Variants in SH2D4A observed in about 807,000 individuals in gnomAD.
SH2D4A encodes SH2 domain-containing protein 4A.
A neutral mutation model predicts 64.7 loss-of-function variants in SH2D4A; 70 were observed. That is an observed-to-expected ratio of 1.08 (90% CI 0.89 to 1.32). SH2D4A has a LOEUF of 1.32. Among genes scored for constraint, SH2D4A ranks in the 40% most tolerant of loss-of-function variants. The probability of loss-of-function intolerance (pLI) is 0.00; values close to 1 mark genes in which losing one functional copy is unlikely to be tolerated. For missense variants in SH2D4A, 706 were observed against 540.1 expected, an observed-to-expected ratio of 1.31 and a Z score of -3.04; for synonymous variants, 268 against 200.7, an observed-to-expected ratio of 1.34 and a Z score of -2.83.
chr8:19,323,710 GA>G (rs1245693335), intron 2 of SH2D4A, among the ~76,000 whole-genome samples: 2 of 152,158 alleles, frequency 1.3e-5, no homozygotes, highest in Non-Finnish European at 2.9e-5. Flanking sequence ...GTGGCTACTA[GA>G]AAAGTGATAG....
rs563195227 is a variant in SH2D4A, at chr8:19,361,752, G to A, written c.706+438G>A. On this transcript the variant is annotated intron_variant, in intron 6 of 9. Coordinates refer to ENST00000265807, the MANE Select transcript of SH2D4A (RefSeq NM_022071.4). ...AACATTAGTTTTCTTGGAAAGGTGA[G>A]ATTCAAGATTATTTATTTGAATGTT... 4.6e-5 allele frequency among the ~76,000 whole-genome samples: 7 copies of A among 152,322 alleles called. No homozygotes were observed. The South Asian group carries it at 1.2e-3, about 27-fold the overall frequency.
At chr8:19,313,870 G>T (rs751370224) in intron 1 of SH2D4A, 47 bp downstream of exon 1, 15 of 1,427,232 alleles carry the variant, frequency 1.1e-5, no homozygotes, top group Non-Finnish European at 1.3e-5. Flanking sequence ...TGTGCGTGGG[G>T]TGGGAGTAGG....
At chr8:19,335,816 A>T (rs992535140) in intron 4 of SH2D4A, among the ~76,000 whole-genome samples, 1 of 152,212 alleles carries the variant, frequency 6.6e-6, no homozygotes, top group Non-Finnish European at 1.5e-5. Flanking sequence ...CAGATGGTTT[A>T]AAAAACTCAA....
intron 4 of SH2D4A, among the ~76,000 whole-genome samples, chr8:19,347,475 G>C (rs547360727): frequency 6.6e-6 from 1 of 152,186 alleles, no homozygotes; most frequent in African/African-American, 2.4e-5. Context: ...CCCACTCAGA[G>C]TTGTTCTGCG....
At chr8:19,353,153 G>T (rs1481579636) in intron 4 of SH2D4A, among the ~76,000 whole-genome samples, 2 of 152,018 alleles carry the variant, frequency 1.3e-5, no homozygotes, top group Non-Finnish European at 2.9e-5. Flanking sequence ...AGGTAGGAGG[G>T]TCATTTTCTT....
Position 19,319,493 on chromosome 8 carries a change from G to C in SH2D4A, c.-55G>C. The stretch of plus-strand genomic sequence containing the variant: ...GCCAGCACAGGTGGAGGGACACCTG[G>C]AGGCCAGTTTCAGGAACTTTTGCCA... On this transcript the variant is annotated 5_prime_UTR_variant, in exon 2 of 10. Transcript: ENST00000265807. 2 of 1,411,382 alleles carry C rather than the reference G, an allele frequency of 1.4e-6. No individual in the cohort carries two copies. Among genetic ancestry groups the C allele is most frequent in the Non-Finnish European group, 1.9e-6 (2 of 1,076,938 alleles). 87.4% of individuals were successfully genotyped at this position (1,411,382 alleles called of 1,614,324 possible).
Position 19,361,304 on chromosome 8 carries a change from G to A in SH2D4A, c.696G>A (p.Trp232Ter). 2 of 1,610,868 alleles carry A rather than the reference G, an allele frequency of 1.2e-6. No homozygotes were observed. Among genetic ancestry groups the A allele is most frequent in the Non-Finnish European group, 1.7e-6 (2 of 1,179,058 alleles). ...ICKSWKEDSE[W>*]QASLRKSKAA... ...AGAGCTGGAAAGAAGACTCGGAATG[G>A]CAGGCATCTCGTGAGTACCCAGAGG... is the stretch of plus-strand genomic sequence containing the variant. Residue 232 changes from tryptophan (W) to a stop codon, truncating the protein, a stop_gained, in exon 6 of 10, where the codon TGG becomes TGA. Transcript: ENST00000265807. LOFTEE classifies it high-confidence loss of function.
At chr8:19,324,121 T>C (rs73599047) in intron 2 of SH2D4A, among the ~76,000 whole-genome samples, 5,062 of 152,316 alleles carry the variant, frequency 0.033, 281 homozygotes, top group African/African-American at 0.11. Context: ...AAACATGTGC[T>C]CGCGTCAGGA....
At chr8:19,320,069 A>T (rs1180512756) in intron 2 of SH2D4A, among the ~76,000 whole-genome samples, 1 of 152,238 alleles carries the variant, frequency 6.6e-6, no homozygotes, top group Non-Finnish European at 1.5e-5. Flanking sequence ...TGCTACTACT[A>T]GAACACAAAG....
At chr8:19,339,534 C>T (rs558775558) in intron 4 of SH2D4A, among the ~76,000 whole-genome samples, 14 of 150,058 alleles carry the variant, frequency 9.3e-5, no homozygotes, top group African/African-American at 3.4e-4. Context: ...CAGGGTCTCC[C>T]TCTCCCCGAG....
intron 8 of SH2D4A, among the ~76,000 whole-genome samples, chr8:19,389,263 G>A (rs1180426682): frequency 6.6e-6 from 1 of 152,186 alleles, no homozygotes; most frequent in Non-Finnish European, 1.5e-5. Context: ...TCTTGGGTCT[G>A]TTTACCATCT....
At chr8:19,328,664 GC>G (rs2052322282) in intron 2 of SH2D4A, among the ~76,000 whole-genome samples, 1 of 152,184 alleles carries the variant, frequency 6.6e-6, no homozygotes, top group Non-Finnish European at 1.5e-5. Flanking sequence ...GACATGCGGA[GC>G]AGAGCTTCCT....
intron 4 of SH2D4A, among the ~76,000 whole-genome samples, chr8:19,344,464 C>T (rs1222588728): frequency 2.0e-5 from 3 of 152,166 alleles, no homozygotes; most frequent in Non-Finnish European, 1.5e-5. Flanking sequence ...GAAGTTCTCT[C>T]TTACTTCTTC....
chr8:19,333,244 T>G, intron 3 of SH2D4A, 130 bp downstream of exon 3: 1 of 975,168 alleles, frequency 1.0e-6, no homozygotes, highest in Non-Finnish European at 1.4e-6. Context: ...AAAGTCACTT[T>G]GGATCTCTTT....
At chr8:19,324,471 C>A (rs1459358808) in intron 2 of SH2D4A, among the ~76,000 whole-genome samples, 2 of 152,160 alleles carry the variant, frequency 1.3e-5, no homozygotes, top group Non-Finnish European at 2.9e-5. Context: ...CTGTCTTTCC[C>A]TTTTGAACTC....
intron 4 of SH2D4A, among the ~76,000 whole-genome samples, chr8:19,347,216 A>G (rs918498316): frequency 1.3e-5 from 2 of 152,196 alleles, no homozygotes; most frequent in African/African-American, 4.8e-5. Flanking sequence ...GTGCTGGGGA[A>G]TAGCTGGATT....
At chr8:19,392,348 G>A (rs2053506383) in intron 8 of SH2D4A, among the ~76,000 whole-genome samples, 1 of 152,112 alleles carries the variant, frequency 6.6e-6, no homozygotes, top group Non-Finnish European at 1.5e-5. Flanking sequence ...AAATTACTGA[G>A]CCTCCCACAC....
At chr8:19,325,033 C>T (rs2052255664) in intron 2 of SH2D4A, among the ~76,000 whole-genome samples, 1 of 152,156 alleles carries the variant, frequency 6.6e-6, no homozygotes, top group Admixed American at 6.5e-5. Context: ...GACCTGTAAG[C>T]CTTGCAAGCT....
intron 2 of SH2D4A, among the ~76,000 whole-genome samples, chr8:19,332,174 C>G (rs535295360): frequency 6.6e-6 from 1 of 152,006 alleles, no homozygotes; most frequent in East Asian, 1.9e-4. Context: ...ACCTATGAAG[C>G]CTGTGAATGT....
Sources: gnomAD v4.1 joint callset for allele counts (sites outside exome capture counted in the v4.1 genomes callset) on GRCh38, gnomAD v4.1.1 for gene constraint, MANE v1.5 for transcripts, NCBI Gene and HGNC (gene_info 2026-07-23, HGNC 2026-07-21) for gene names.